ADAMTSL3: variants seen among roughly 807,000 people sequenced by gnomAD.
The protein encoded by ADAMTSL3 is ADAMTS like 3.
In ADAMTSL3, 128 loss-of-function variants were observed where a neutral mutation model predicts 201.7. The ratio of observed to expected loss-of-function variants is 0.63; its 90% CI spans 0.55 to 0.73. The LOEUF (loss-of-function observed/expected upper bound fraction) is 0.73, where lower values mean the gene tolerates loss of function less well. Ranked by LOEUF, ADAMTSL3 falls within the 30% of genes least tolerant of loss-of-function variation. The pLI, the probability that ADAMTSL3 is intolerant of heterozygous loss-of-function variation, is 0.00. For missense variants in ADAMTSL3, 1,990 were observed against 2,119.6 expected (o/e 0.94, Z 1.20); for synonymous variants, 738 against 748.4 (o/e 0.99, Z 0.23).
At chr15:83,757,982 A>G (rs774975674) in intron 3 of ADAMTSL3, among the ~76,000 whole-genome samples, 34 of 152,200 alleles carry the variant, frequency 2.2e-4, no homozygotes, top group Non-Finnish European at 4.4e-4. Flanking sequence ...TTCATTGTCC[A>G]TATCATTATC....
intron 5 of ADAMTSL3, among the ~76,000 whole-genome samples, chr15:83,811,779 T>A (rs994981276): frequency 1.3e-5 from 2 of 152,100 alleles, no homozygotes; most frequent in African/African-American, 4.8e-5. Flanking sequence ...CTAAGAGAGG[T>A]TTCATAAGAA....
At chr15:83,845,896 AC>A in intron 7 of ADAMTSL3, among the ~76,000 whole-genome samples, 1 of 151,806 alleles carries the variant, frequency 6.6e-6, no homozygotes, top group East Asian at 1.9e-4. Context: ...TTTTGCACTG[AC>A]CCCCTCATTG....
At chr15:83,938,928 C>T (rs74026622) in intron 17 of ADAMTSL3, among the ~76,000 whole-genome samples, 2,964 of 152,242 alleles carry the variant, frequency 0.019, 91 homozygotes, top group African/African-American at 0.067. Context: ...CCTCTCTCAC[C>T]TTCCCGCCCC....
intron 2 of ADAMTSL3, among the ~76,000 whole-genome samples, chr15:83,681,602 T>G (rs1397745211): frequency 6.6e-6 from 1 of 152,236 alleles, no homozygotes; most frequent in Middle Eastern, 3.2e-3. Context: ...GACATTTCTC[T>G]GATTGGTTAG....
chr15:83,760,703 T>A (rs2062795739), intron 3 of ADAMTSL3, among the ~76,000 whole-genome samples: 1 of 152,156 alleles, frequency 6.6e-6, no homozygotes, highest in East Asian at 1.9e-4. Flanking sequence ...ATTTGTTCCA[T>A]CCTAGTGAAA....
intron 3 of ADAMTSL3, 113 bp downstream of exon 3, chr15:83,704,621 C>T: frequency 7.2e-7 from 1 of 1,393,544 alleles, no homozygotes; most frequent in East Asian, 2.3e-5. Flanking sequence ...AATACAAGTA[C>T]AACAGACCCT....
chr15:83,849,277 C>A (rs374478106), intron 7 of ADAMTSL3, among the ~76,000 whole-genome samples: 1 of 152,128 alleles, frequency 6.6e-6, no homozygotes. Context: ...CAGGCATGTA[C>A]CACCACACCT....
chr15:83,659,264 G>A (rs1385312956), intron 2 of ADAMTSL3, among the ~76,000 whole-genome samples: 1 of 152,214 alleles, frequency 6.6e-6, no homozygotes, highest in African/African-American at 2.4e-5. Flanking sequence ...GGATGAAGAA[G>A]TCCTGGGAGG....
At chr15:83,937,751 A>T (rs1052406633) in intron 17 of ADAMTSL3, among the ~76,000 whole-genome samples, 1 of 151,110 alleles carries the variant, frequency 6.6e-6, no homozygotes, top group African/African-American at 2.5e-5. Context: ...GTCTTTTTGC[A>T]TGTTAATTGA....
At chr15:83,908,030 G>T (rs2065872031) in intron 15 of ADAMTSL3, among the ~76,000 whole-genome samples, 1 of 152,170 alleles carries the variant, frequency 6.6e-6, no homozygotes, top group Non-Finnish European at 1.5e-5. Flanking sequence ...ACTAATACAT[G>T]CTGCCTTCTT....
At chr15:83,751,936 G>A (rs550691741) in intron 3 of ADAMTSL3, among the ~76,000 whole-genome samples, 41 of 152,242 alleles carry the variant, frequency 2.7e-4, no homozygotes, top group Non-Finnish European at 5.0e-4. Flanking sequence ...CAATAGTAGC[G>A]TGAGAAATGT....
At chr15:83,924,174 G>C (rs940778710) in intron 17 of ADAMTSL3, 141 bp downstream of exon 17, 8 of 1,171,364 alleles carry the variant, frequency 6.8e-6, no homozygotes, top group Non-Finnish European at 9.4e-6. Context: ...CTTTGCTCAA[G>C]TTATGCTCCA....
intron 23 of ADAMTSL3, among the ~76,000 whole-genome samples, chr15:84,006,658 A>C (rs977126822): frequency 6.6e-6 from 1 of 152,222 alleles, no homozygotes; most frequent in African/African-American, 2.4e-5. Flanking sequence ...CTTGGGGGAA[A>C]TAGCCTGTCT....
At chr15:83,702,759 C>T (rs778292206) in intron 2 of ADAMTSL3, among the ~76,000 whole-genome samples, 6 of 152,186 alleles carry the variant, frequency 3.9e-5, no homozygotes, top group Non-Finnish European at 8.8e-5. Flanking sequence ...GCGGGGCCCT[C>T]ATGAAGAACC....
intron 19 of ADAMTSL3, among the ~76,000 whole-genome samples, chr15:83,964,772 A>T (rs2067046726): frequency 6.6e-6 from 1 of 152,224 alleles, no homozygotes; most frequent in African/African-American, 2.4e-5. Context: ...GCAGCCAGAG[A>T]GAAAGATTGG....
chr15:83,833,458 A>G (rs1018470341), intron 6 of ADAMTSL3, among the ~76,000 whole-genome samples: 2 of 152,030 alleles, frequency 1.3e-5, no homozygotes, highest in Non-Finnish European at 2.9e-5. Flanking sequence ...CACCCCCTAA[A>G]TGTTTCACCT....
chr15:83,735,999 A>T (rs1262403088), intron 3 of ADAMTSL3, among the ~76,000 whole-genome samples: 1 of 151,982 alleles, frequency 6.6e-6, no homozygotes, highest in Non-Finnish European at 1.5e-5. Flanking sequence ...GGACAGGAGA[A>T]AAAAAAAGAA....
chr15:83,781,798 T>C (rs2063173966), intron 4 of ADAMTSL3, among the ~76,000 whole-genome samples: 1 of 152,122 alleles, frequency 6.6e-6, no homozygotes, highest in African/African-American at 2.4e-5. Context: ...AGAGAAGACG[T>C]GGCCAAAAGT....
At chr15:83,770,106 CAT>C (rs2062955610) in intron 3 of ADAMTSL3, among the ~76,000 whole-genome samples, 1 of 152,156 alleles carries the variant, frequency 6.6e-6, no homozygotes, top group East Asian at 1.9e-4. Flanking sequence ...ATCCCTCACA[CAT>C]AGAGGTAGCA....
Sources: allele counts gnomAD v4.1 joint callset (sites outside exome capture counted in the v4.1 genomes callset), GRCh38; gene constraint gnomAD v4.1.1; transcripts MANE v1.5; gene names NCBI Gene and HGNC (gene_info 2026-07-23, HGNC 2026-07-21).